GPC6: variants seen among roughly 807,000 people sequenced by gnomAD.
GPC6 encodes the protein glypican-6.
GPC6 carries 14 observed loss-of-function variants against 55.2 expected under a neutral mutation model. That is an observed-to-expected ratio of 0.25 (90% CI 0.17 to 0.40). The LOEUF is 0.40. Ranked by LOEUF, GPC6 falls within the 10% of genes least tolerant of loss-of-function variation. The pLI is 1.00. For synonymous variants in GPC6, 278 were observed against 259.6 expected (o/e 1.07, Z -0.68); for missense variants, 641 against 708.5 (o/e 0.90, Z 1.08).
intron 1 of GPC6, among the ~76,000 whole-genome samples, chr13:93,242,234 G>T (rs770291552): frequency 1.2e-4 from 18 of 152,140 alleles, no homozygotes; most frequent in Non-Finnish European, 2.1e-4. Flanking sequence ...GTAGCCTAGG[G>T]AGTTCCCATG....
At chr13:93,676,354 T>C (rs905519769) in intron 2 of GPC6, among the ~76,000 whole-genome samples, 11 of 149,780 alleles carry the variant, frequency 7.3e-5, no homozygotes, top group African/African-American at 2.7e-4. Context: ...GTAGCAGAGG[T>C]TGCAGTGAGC....
At chr13:93,454,233 T>C (rs1032709953) in intron 1 of GPC6, among the ~76,000 whole-genome samples, 1 of 150,720 alleles carries the variant, frequency 6.6e-6, no homozygotes, top group Non-Finnish European at 1.5e-5. Context: ...ATCCCTGAGC[T>C]AGACATAAAG....
chr13:93,395,008 A>G (rs1367609472), intron 1 of GPC6: 9 of 230,142 alleles, frequency 3.9e-5, no homozygotes, highest in Non-Finnish European at 8.1e-5. Flanking sequence ...TCACAGGGGC[A>G]CAGCTTATCC....
chr13:93,933,477 C>T (rs538487337), intron 3 of GPC6, among the ~76,000 whole-genome samples: 7 of 152,194 alleles, frequency 4.6e-5, no homozygotes, highest in Non-Finnish European at 1.0e-4. Context: ...AAAGTGGCCT[C>T]GGACAGGTCA....
chr13:94,182,918 G>A (rs1889045040), intron 4 of GPC6, among the ~76,000 whole-genome samples: 1 of 152,096 alleles, frequency 6.6e-6, no homozygotes, highest in Admixed American at 6.6e-5. Context: ...TGGGACTACA[G>A]GTGTGTGCCA....
In GPC6 at chr13:93,410,381, T is replaced by C. The variant is rs9584111; in HGVS notation, c.161-134882T>C. Among the ~76,000 whole-genome samples the C allele has an allele frequency of 4.5e-3, 689 of 152,312 alleles. 6 individuals are homozygous for C. The highest frequency in any genetic ancestry group is 0.016 in the African/African-American group (647 of 41,572). On this transcript the variant is annotated intron_variant, in intron 1 of 8. Coordinates refer to ENST00000377047, the MANE Select transcript of GPC6 (RefSeq NM_005708.5). ...AAAGCTTAACTAGGCCTTGAGTATA[T>C]ATCAAGTTGAAGAGCAGCTGGTAAA...
At chr13:93,881,008 A>G (rs1046361992) in intron 3 of GPC6, among the ~76,000 whole-genome samples, 1 of 152,102 alleles carries the variant, frequency 6.6e-6, no homozygotes, top group Non-Finnish European at 1.5e-5. Context: ...TATTCTTTTC[A>G]ATTCTTGGTA....
intron 2 of GPC6, among the ~76,000 whole-genome samples, chr13:93,622,902 A>G (rs1214524206): frequency 6.6e-6 from 1 of 152,088 alleles, no homozygotes; most frequent in Admixed American, 6.6e-5. Flanking sequence ...ATCTCTCCCC[A>G]TTCCCCACTT....
At chr13:93,711,947 G>C (rs923438605) in intron 2 of GPC6, among the ~76,000 whole-genome samples, 6 of 151,704 alleles carry the variant, frequency 4.0e-5, no homozygotes, top group South Asian at 2.1e-4. Context: ...AGCCCGAGTT[G>C]CCCGCTGTGT....
rs188335442 is a variant in GPC6, at chr13:94,327,236, G to A, written c.1152+21113G>A. Reference sequence around the variant, plus strand: ...TAACGGTTTTACTAGTTGTGTGTTTGTAAAAGTGCTTTTCCCCCTCTGTGT... The same window carrying A: ...TAACGGTTTTACTAGTTGTGTGTTTATAAAAGTGCTTTTCCCCCTCTGTGT... On this transcript the variant is annotated intron_variant, in intron 6 of 8. Coordinates refer to ENST00000377047, the MANE Select transcript of GPC6 (RefSeq NM_005708.5). Among the ~76,000 whole-genome samples the A allele has an allele frequency of 3.5e-4, 54 of 152,300 alleles. 1 individual carries two copies. Among genetic ancestry groups the A allele is most frequent in the African/African-American group, 1.2e-3 (51 of 41,562 alleles).
chr13:94,373,304 T>G (rs1879674723), intron 6 of GPC6, among the ~76,000 whole-genome samples: 1 of 151,584 alleles, frequency 6.6e-6, no homozygotes, highest in Non-Finnish European at 1.5e-5. Context: ...GCAAAGAAGT[T>G]GAAAACTTTG....
chr13:93,914,054 C>T (rs1408462225), intron 3 of GPC6, among the ~76,000 whole-genome samples: 1 of 152,176 alleles, frequency 6.6e-6, no homozygotes, highest in Middle Eastern at 3.4e-3. Context: ...AAATTTGTAT[C>T]CTTTCTCATA....
At chr13:93,464,263 A>C (rs558459264) in intron 1 of GPC6, among the ~76,000 whole-genome samples, 2 of 152,212 alleles carry the variant, frequency 1.3e-5, no homozygotes, top group Non-Finnish European at 2.9e-5. Context: ...GCCTTAAATA[A>C]GACAACAGTG....
chr13:93,619,513 C>G (rs1364987915), intron 2 of GPC6, among the ~76,000 whole-genome samples: 1 of 152,050 alleles, frequency 6.6e-6, no homozygotes, highest in Admixed American at 6.6e-5. Flanking sequence ...AGTTCAGTGG[C>G]GTGATCATAA....
intron 3 of GPC6, among the ~76,000 whole-genome samples, chr13:93,968,140 T>C (rs1348563105): frequency 6.6e-6 from 1 of 152,196 alleles, no homozygotes; most frequent in African/African-American, 2.4e-5. Flanking sequence ...AGCTTTACTT[T>C]CTGGTGTACT....
intron 3 of GPC6, among the ~76,000 whole-genome samples, chr13:93,956,857 G>T (rs1032360298): frequency 2.6e-5 from 4 of 152,150 alleles, no homozygotes; most frequent in Non-Finnish European, 4.4e-5. Context: ...TTTTAAAATG[G>T]TTACAGAAAA....
At chr13:94,381,049 A>T (rs1880132451) in intron 6 of GPC6, among the ~76,000 whole-genome samples, 2 of 152,160 alleles carry the variant, frequency 1.3e-5, no homozygotes, top group African/African-American at 4.8e-5. Flanking sequence ...CATCAGGAGG[A>T]ACAAGTGACC....
intron 1 of GPC6, among the ~76,000 whole-genome samples, chr13:93,410,348 T>A (rs1876448823): frequency 6.6e-6 from 1 of 152,174 alleles, no homozygotes; most frequent in Non-Finnish European, 1.5e-5. Flanking sequence ...TTATCATTAT[T>A]TAACAATAAA....
intron 4 of GPC6, among the ~76,000 whole-genome samples, chr13:94,157,105 A>C (rs1887977679): frequency 6.6e-6 from 1 of 152,182 alleles, no homozygotes; most frequent in African/African-American, 2.4e-5. Context: ...CCTGGGGCCA[A>C]GACTCCTAAA....
Sources: gnomAD v4.1 joint callset for allele counts (sites outside exome capture counted in the v4.1 genomes callset) on GRCh38, gnomAD v4.1.1 for gene constraint, MANE v1.5 for transcripts, NCBI Gene and HGNC (gene_info 2026-07-23, HGNC 2026-07-21) for gene names.